FAAH2: variants seen among roughly 807,000 people sequenced by gnomAD.
The protein encoded by FAAH2 is fatty acid amide hydrolase 2.
In FAAH2, 60 loss-of-function variants were observed where a neutral mutation model predicts 36.9. That is an observed-to-expected ratio of 1.63 (90% CI 1.32 to 2.02). The LOEUF (loss-of-function observed/expected upper bound fraction) is 2.02, where lower values mean the gene tolerates loss of function less well. Ranked by LOEUF, FAAH2 falls within the 30% of genes most tolerant of loss-of-function variation. The pLI, the probability that FAAH2 is intolerant of heterozygous loss-of-function variation, is 0.00. For synonymous variants in FAAH2, 214 were observed against 143.8 expected (o/e 1.49, Z -3.49); for missense variants, 689 against 397.5 (o/e 1.73, Z -6.23).
the FAAH2 span, among the ~76,000 whole-genome samples, chrX:57,247,999 T>G: frequency 8.9e-6 from 1 of 112,328 alleles, no homozygotes; most frequent in Non-Finnish European, 1.9e-5. Context: ...TTCAGATCAT[T>G]TATTTATTTA....
chrX:57,198,992 G>T, the FAAH2 span, among the ~76,000 whole-genome samples: 1,280 of 111,039 alleles, frequency 0.012, 17 homozygotes, highest in African/African-American at 0.04. Flanking sequence ...TTCTTTCAAA[G>T]GGTCTGGGAA....
intron 3 of FAAH2, among the ~76,000 whole-genome samples, chrX:57,327,158 A>G (rs1243781543): frequency 9.6e-6 from 1 of 104,103 alleles, no homozygotes; most frequent in Non-Finnish European, 2.0e-5. Flanking sequence ...AAGAATGTTG[A>G]ATATTGGCCC....
At chrX:57,306,917 GTATATATAGTGTGTATATATAC>G (rs2052548552) in intron 2 of FAAH2, among the ~76,000 whole-genome samples, 1 of 75,797 alleles carries the variant, frequency 1.3e-5, no homozygotes, top group Admixed American at 1.7e-4. Context: ...GTACTATATA[GTATATATAGTGTGTATATATAC>G]TATATAGTAC....
intron 10 of FAAH2, among the ~76,000 whole-genome samples, chrX:57,462,174 A>AAC (rs1457444908): frequency 1.9e-5 from 2 of 106,527 alleles, no homozygotes; most frequent in Non-Finnish European, 3.9e-5. Flanking sequence ...ACAAAAAAAA[A>AAC]AAAAAAAAAA....
chrX:57,156,037 G>C, the FAAH2 span, among the ~76,000 whole-genome samples: 2 of 111,839 alleles, frequency 1.8e-5, no homozygotes, highest in Non-Finnish European at 3.8e-5. Flanking sequence ...GCTGTCTCCT[G>C]GGTCTTGCAG....
intron 7 of FAAH2, among the ~76,000 whole-genome samples, chrX:57,407,806 C>T (rs12837812): frequency 0.14 from 15,168 of 111,365 alleles, 1,102 homozygotes; most frequent in Non-Finnish European, 0.22. Context: ...ATCTTCGATC[C>T]ATTTTGAGAT....
At chrX:57,464,248 G>A (rs1355867183) in intron 10 of FAAH2, among the ~76,000 whole-genome samples, 1 of 110,301 alleles carries the variant, frequency 9.1e-6, no homozygotes, top group Non-Finnish European at 1.9e-5. Flanking sequence ...ACATACCGTG[G>A]CCTATTATGG....
intron 10 of FAAH2, among the ~76,000 whole-genome samples, chrX:57,450,514 A>G (rs1463591579): frequency 1.8e-5 from 2 of 111,638 alleles, no homozygotes; most frequent in East Asian, 2.8e-4. Context: ...TTTTGTTTTT[A>G]TTGTCTTTAC....
intron 7 of FAAH2, chrX:57,394,286 CT>C: frequency 1.1e-6 from 1 of 929,577 alleles, no homozygotes; most frequent in South Asian, 2.0e-5. Flanking sequence ...TGTAGTCGTG[CT>C]TTTCCCTTCT....
At chrX:57,397,733 G>A (rs59521824) in intron 7 of FAAH2, among the ~76,000 whole-genome samples, 1,913 of 108,780 alleles carry the variant, frequency 0.018, 37 homozygotes, top group African/African-American at 0.061. Flanking sequence ...CTTTAAGTTC[G>A]AGGGTACATG....
At chrX:57,292,892 T>C (rs2052026012) in intron 2 of FAAH2, among the ~76,000 whole-genome samples, 1 of 111,644 alleles carries the variant, frequency 9.0e-6, no homozygotes, top group African/African-American at 3.3e-5. Flanking sequence ...ACTGAATAGA[T>C]TAATATTTGG....
intron 5 of FAAH2, among the ~76,000 whole-genome samples, chrX:57,347,020 G>A (rs778743560): frequency 4.5e-5 from 5 of 111,283 alleles, no homozygotes; most frequent in African/African-American, 6.5e-5. Flanking sequence ...TGACCTTGGT[G>A]AATCTGATGG....
intron 7 of FAAH2, among the ~76,000 whole-genome samples, chrX:57,415,505 G>T (rs892442498): frequency 8.9e-6 from 1 of 111,850 alleles, no homozygotes; most frequent in Non-Finnish European, 1.9e-5. Flanking sequence ...TCATGAGCAG[G>T]TTGCTCAGTT....
chrX:57,465,715 C>T (rs1178105043), intron 10 of FAAH2, among the ~76,000 whole-genome samples: 1 of 110,608 alleles, frequency 9.0e-6, no homozygotes. Context: ...GAAAGTGACA[C>T]CAGACAATAA....
At chrX:57,138,031 G>GA in the FAAH2 span, among the ~76,000 whole-genome samples, 1 of 111,484 alleles carries the variant, frequency 9.0e-6, no homozygotes, top group South Asian at 3.7e-4. Flanking sequence ...ACACACTCAC[G>GA]AATACATACA....
intron 7 of FAAH2, among the ~76,000 whole-genome samples, chrX:57,425,450 C>A (rs893387470): frequency 9.0e-6 from 1 of 111,163 alleles, no homozygotes; most frequent in African/African-American, 3.3e-5. Context: ...GGAAAAAATC[C>A]TAAAATTAGC....
upstream of FAAH2, among the ~76,000 whole-genome samples, chrX:57,284,413 AC>A (rs2051782194): frequency 9.0e-6 from 1 of 111,423 alleles, no homozygotes; most frequent in Non-Finnish European, 1.9e-5. Context: ...AACAACAACA[AC>A]AACAACAACA....
At chrX:57,392,840 C>A (rs1365026748) in intron 7 of FAAH2, 2 of 696,726 alleles carry the variant, frequency 2.9e-6, no homozygotes, top group Admixed American at 2.2e-5. Flanking sequence ...GAGACAAGGA[C>A]AAGTGTGTTT....
chrX:57,281,843 G>A (rs898399110), upstream of FAAH2, among the ~76,000 whole-genome samples: 1 of 111,405 alleles, frequency 9.0e-6, no homozygotes, highest in East Asian at 2.8e-4. Flanking sequence ...TCCTGTGATA[G>A]TTTTCTTAGG....
Sources: allele counts gnomAD v4.1 joint callset (sites outside exome capture counted in the v4.1 genomes callset), GRCh38; gene constraint gnomAD v4.1.1; transcripts MANE v1.5; gene names NCBI Gene and HGNC (gene_info 2026-07-23, HGNC 2026-07-21).